The following NEK11 variants were observed in gnomAD, a reference collection of about 807,000 sequenced individuals.
NEK11 encodes the protein serine/threonine-protein kinase Nek11.
NEK11 carries 72 observed loss-of-function variants against 80.7 expected under a neutral mutation model. That is an observed-to-expected ratio of 0.89 (90% confidence interval 0.74 to 1.08). The LOEUF (loss-of-function observed/expected upper bound fraction) is 1.08. Ranked by LOEUF, NEK11 falls within the 50% of genes least tolerant of loss-of-function variation. The pLI is 0.00. For synonymous variants in NEK11, 251 were observed against 260.7 expected, an observed-to-expected ratio of 0.96 and a Z score of 0.36; for missense variants, 764 against 763.6, an observed-to-expected ratio of 1.00 and a Z score of -0.01.
intron 17 of NEK11, among the ~76,000 whole-genome samples, chr3:131,279,605 T>C (rs2096362985): frequency 6.6e-6 from 1 of 152,166 alleles, no homozygotes; most frequent in Non-Finnish European, 1.5e-5. Context: ...TGTAGTCAGC[T>C]CCTCCCACCA....
intron 16 of NEK11, among the ~76,000 whole-genome samples, chr3:131,259,927 C>A (rs2095883637): frequency 6.6e-6 from 1 of 152,088 alleles, no homozygotes. Context: ...ACAGAGACTA[C>A]CCTGTTTTGC....
At chr3:131,302,847 G>A (rs770598883) in intron 17 of NEK11, among the ~76,000 whole-genome samples, 15 of 152,170 alleles carry the variant, frequency 9.9e-5, no homozygotes, top group Non-Finnish European at 1.8e-4. Context: ...GGAGAGTTCT[G>A]TAGATGTCTG....
At chr3:131,348,451 A>G (rs2097399836) in intron 17 of NEK11, among the ~76,000 whole-genome samples, 1 of 152,114 alleles carries the variant, frequency 6.6e-6, no homozygotes, top group Non-Finnish European at 1.5e-5. Flanking sequence ...ATAAGATGAT[A>G]AAAGATAGGG....
chr3:131,348,266 C>CA (rs1041993350), intron 17 of NEK11, among the ~76,000 whole-genome samples: 9 of 151,274 alleles, frequency 5.9e-5, no homozygotes, highest in Middle Eastern at 3.4e-3. Flanking sequence ...TGCAAAGGAG[C>CA]AAAAAAAAGC....
intron 15 of NEK11, among the ~76,000 whole-genome samples, chr3:131,238,768 G>T (rs1029750136): frequency 2.0e-5 from 3 of 152,090 alleles, no homozygotes; most frequent in African/African-American, 7.2e-5. Context: ...TGAGCAAAAA[G>T]ATCATAGTGA....
In NEK11 at chr3:131,243,441, T is replaced by C; in HGVS notation, c.1566T>C (p.Ser522=). The C allele has an allele frequency of 1.9e-6, 3 of 1,612,704 alleles. No homozygotes were observed. Among genetic ancestry groups the C allele is most frequent in the Non-Finnish European group, 2.5e-6 (3 of 1,179,140 alleles). The change falls in exon 16 of 18, where the codon AGT becomes AGC. Residue 522 remains serine, a synonymous_variant. Transcript: ENST00000383366. ...QPAYRTNQQD[S]DIEALARCLE... Reference sequence around the variant, plus strand: ...TTTCTCCCTTATTTTGACAGGACAGTGATATCGAAGCGTTGGCCAGGTGTT... The same window carrying C: ...TTTCTCCCTTATTTTGACAGGACAGCGATATCGAAGCGTTGGCCAGGTGTT...
At chr3:131,269,798 G>A (rs889834414) in intron 16 of NEK11, among the ~76,000 whole-genome samples, 4 of 152,206 alleles carry the variant, frequency 2.6e-5, no homozygotes, top group South Asian at 2.1e-4. Flanking sequence ...CTTCATGGAC[G>A]TGAGACCAGT....
At chr3:131,203,194 G>C (rs2094308084) in intron 14 of NEK11, among the ~76,000 whole-genome samples, 1 of 152,106 alleles carries the variant, frequency 6.6e-6, no homozygotes, top group Non-Finnish European at 1.5e-5. Context: ...GTCCATCAAT[G>C]ATAGACTGGA....
chr3:131,194,108 A>G (rs2093908370), intron 14 of NEK11, among the ~76,000 whole-genome samples: 1 of 152,226 alleles, frequency 6.6e-6, no homozygotes, highest in Non-Finnish European at 1.5e-5. Context: ...CCCTAGTGGC[A>G]TGGATTTCAG....
chr3:131,329,120 C>A (rs2097027520), intron 17 of NEK11: 1 of 152,136 alleles, frequency 6.6e-6, no homozygotes, highest in African/African-American at 2.4e-5. Flanking sequence ...TATAAGAGGT[C>A]ATTTTTATCT....
chr3:131,275,853 T>C (rs981384084), intron 17 of NEK11, among the ~76,000 whole-genome samples: 1 of 152,196 alleles, frequency 6.6e-6, no homozygotes, highest in Admixed American at 6.5e-5. Context: ...GAGATTATAA[T>C]GTAGAGAAAA....
intron 14 of NEK11, among the ~76,000 whole-genome samples, chr3:131,207,452 A>G (rs895073073): frequency 4.6e-5 from 7 of 152,082 alleles, no homozygotes; most frequent in Non-Finnish European, 1.0e-4. Flanking sequence ...GCGCGGTGGC[A>G]GGCACCTGTA....
At chr3:131,317,378 G>T (rs2096851047) in intron 17 of NEK11, among the ~76,000 whole-genome samples, 1 of 152,188 alleles carries the variant, frequency 6.6e-6, no homozygotes, top group Non-Finnish European at 1.5e-5. Flanking sequence ...TTTCAGCACA[G>T]GTTGCAACTG....
At chr3:131,225,512 T>C (rs2095166529) in intron 14 of NEK11, among the ~76,000 whole-genome samples, 1 of 152,238 alleles carries the variant, frequency 6.6e-6, no homozygotes, top group African/African-American at 2.4e-5. Flanking sequence ...ATACTTTGCA[T>C]CCATTATACT....
chr3:131,041,972 C>T (rs960802349), intron 3 of NEK11, among the ~76,000 whole-genome samples: 6 of 152,080 alleles, frequency 3.9e-5, no homozygotes, highest in Non-Finnish European at 7.4e-5. Context: ...GAGGGTGGGG[C>T]GTCACCTCAC....
chr3:131,201,572 T>C (rs77747913), intron 14 of NEK11, among the ~76,000 whole-genome samples: 2,156 of 152,286 alleles, frequency 0.014, 48 homozygotes, highest in African/African-American at 0.05. Context: ...TAGTAGTTTA[T>C]CATCCAGAAA....
intron 17 of NEK11, among the ~76,000 whole-genome samples, chr3:131,297,720 A>G (rs1002880929): frequency 8.0e-5 from 12 of 150,936 alleles, no homozygotes; most frequent in African/African-American, 2.0e-4. Flanking sequence ...TTGGTGTTTT[A>G]GACATGAAGT....
At chr3:131,165,248 T>C in intron 11 of NEK11, 178 bp from the exon 12 acceptor site, 1 of 560,762 alleles carries the variant, frequency 1.8e-6, no homozygotes, top group Non-Finnish European at 3.2e-6. Flanking sequence ...TGTGTGTGCT[T>C]TAAAAGAGAA....
intron 14 of NEK11, among the ~76,000 whole-genome samples, chr3:131,206,104 C>T (rs961562305): frequency 1.3e-5 from 2 of 152,174 alleles, no homozygotes; most frequent in Non-Finnish European, 2.9e-5. Context: ...CCAAAAGAAG[C>T]CTTGTACAGG....
Sources: gnomAD v4.1 joint callset for allele counts (sites outside exome capture counted in the v4.1 genomes callset) on GRCh38, gnomAD v4.1.1 for gene constraint, MANE v1.5 for transcripts, NCBI Gene and HGNC (gene_info 2026-07-23, HGNC 2026-07-21) for gene names.